Variants in PRTFDC1 observed in about 807,000 individuals in gnomAD.
The protein encoded by PRTFDC1 is phosphoribosyl transferase domain containing 1.
In PRTFDC1, 38 loss-of-function variants were observed where a neutral mutation model predicts 34.6. That is an observed-to-expected ratio of 1.10 (90% CI 0.85 to 1.44). The LOEUF (loss-of-function observed/expected upper bound fraction) is 1.44, where lower values mean the gene tolerates loss of function less well. PRTFDC1 is among the 40% of genes most tolerant of loss of function. PRTFDC1 has a pLI of 0.00. For synonymous variants in PRTFDC1, 93 were observed against 98.1 expected (o/e 0.95, Z 0.31); for missense variants, 270 against 283.0 (o/e 0.95, Z 0.33).
At chr10:24,894,346 AAAG>A (rs1201111688) in intron 3 of PRTFDC1, among the ~76,000 whole-genome samples, 10 of 151,824 alleles carry the variant, frequency 6.6e-5, no homozygotes, top group African/African-American at 2.2e-4. Flanking sequence ...AAAAAAAAAA[AAAG>A]AGAGAGAAAA....
At chr10:24,899,206 A>G (rs59130408) in intron 3 of PRTFDC1, among the ~76,000 whole-genome samples, 17,708 of 152,160 alleles carry the variant, frequency 0.12, 1,271 homozygotes, top group East Asian at 0.29. Flanking sequence ...CCGTTGGGGC[A>G]ACTGAGGAAA....
intron 3 of PRTFDC1, among the ~76,000 whole-genome samples, chr10:24,929,638 A>C (rs1401878255): frequency 6.6e-6 from 1 of 152,222 alleles, no homozygotes; most frequent in Non-Finnish European, 1.5e-5. Flanking sequence ...GGTGGGAAAC[A>C]ATGAGATCAG....
At chr10:24,862,643 C>G (rs1401794607) in intron 4 of PRTFDC1, among the ~76,000 whole-genome samples, 1 of 151,710 alleles carries the variant, frequency 6.6e-6, no homozygotes, top group Admixed American at 6.6e-5. Context: ...CCAAATTTCT[C>G]TTTATTGCAC....
intron 3 of PRTFDC1, among the ~76,000 whole-genome samples, chr10:24,931,874 A>G (rs1848977601): frequency 6.6e-6 from 1 of 151,274 alleles, no homozygotes. Context: ...TAAAAGACCA[A>G]TATAAGCCTG....
In PRTFDC1 at chr10:24,849,713, C is replaced by T; in HGVS notation, c.*131G>A. Reference sequence around the variant, plus strand: ...TTAACCTCAGAAAAGAAAGCTCTCTCATTTGAACATTTTTTTCTTTTATAT... The same window carrying T: ...TTAACCTCAGAAAAGAAAGCTCTCTTATTTGAACATTTTTTTCTTTTATAT... On this transcript the variant is annotated 3_prime_UTR_variant, in exon 9 of 9. Coordinates refer to ENST00000320152, the MANE Select transcript of PRTFDC1 (RefSeq NM_020200.7). 1 of 762,498 alleles carries T rather than the reference C, an allele frequency of 1.3e-6. No homozygotes were observed. The highest frequency in any genetic ancestry group is 2.2e-6 in the Non-Finnish European group (1 of 452,886). 47.2% of individuals were successfully genotyped at this position (762,498 alleles called of 1,614,324 possible).
At chr10:24,924,385 G>A (rs1848839233) in intron 3 of PRTFDC1, among the ~76,000 whole-genome samples, 1 of 152,168 alleles carries the variant, frequency 6.6e-6, no homozygotes, top group Non-Finnish European at 1.5e-5. Context: ...AGGAAAAAAT[G>A]TTAAGGGCAG....
chr10:24,936,804 C>A (rs187810451), intron 3 of PRTFDC1, among the ~76,000 whole-genome samples: 90 of 152,284 alleles, frequency 5.9e-4, no homozygotes, highest in Non-Finnish European at 1.0e-3. Flanking sequence ...GGGCTGGACA[C>A]CCTCCCATAG....
At chr10:24,853,185 G>A (rs1045082532) in intron 7 of PRTFDC1, among the ~76,000 whole-genome samples, 3 of 152,064 alleles carry the variant, frequency 2.0e-5, no homozygotes, top group African/African-American at 7.2e-5. Context: ...CAGAGATTCT[G>A]AGCTAGCTAA....
chr10:24,923,396 G>A (rs1848820352), intron 3 of PRTFDC1, among the ~76,000 whole-genome samples: 1 of 152,198 alleles, frequency 6.6e-6, no homozygotes, highest in South Asian at 2.1e-4. Flanking sequence ...ACTCCCAAAA[G>A]GGGCCGACAG....
chr10:24,859,233 A>G (rs1847634839), intron 4 of PRTFDC1, among the ~76,000 whole-genome samples: 1 of 152,110 alleles, frequency 6.6e-6, no homozygotes, highest in African/African-American at 2.4e-5. Flanking sequence ...GTCTCCAGAC[A>G]TCTGAAGTGC....
At chr10:24,893,744 TC>T (rs149109095) in intron 3 of PRTFDC1, among the ~76,000 whole-genome samples, 3,806 of 152,310 alleles carry the variant, frequency 0.025, 186 homozygotes, top group African/African-American at 0.087. Flanking sequence ...GAAAATGGAA[TC>T]TTAATTAAAT....
At chr10:24,921,791 G>A (rs965026404) in intron 3 of PRTFDC1, among the ~76,000 whole-genome samples, 3 of 150,142 alleles carry the variant, frequency 2.0e-5, no homozygotes, top group African/African-American at 7.3e-5. Context: ...AAATTAATAA[G>A]TAGAAAATTA....
chr10:24,882,661 T>C (rs1330610448), intron 3 of PRTFDC1, among the ~76,000 whole-genome samples: 2 of 152,050 alleles, frequency 1.3e-5, no homozygotes, highest in African/African-American at 4.8e-5. Flanking sequence ...CTCCTTAATA[T>C]ATACTTTTTA....
intron 1 of PRTFDC1, among the ~76,000 whole-genome samples, chr10:24,946,646 C>T (rs1849255177): frequency 6.6e-6 from 1 of 152,160 alleles, no homozygotes; most frequent in Non-Finnish European, 1.5e-5. Flanking sequence ...GTGCCTGCCT[C>T]ATATGGCTAT....
intron 3 of PRTFDC1, among the ~76,000 whole-genome samples, chr10:24,907,384 C>T (rs970658916): frequency 2.0e-5 from 3 of 152,128 alleles, no homozygotes; most frequent in Non-Finnish European, 4.4e-5. Context: ...CACTTGAGGT[C>T]AGGAGTTCGA....
intron 3 of PRTFDC1, among the ~76,000 whole-genome samples, chr10:24,901,835 T>C (rs1329994848): frequency 1.3e-5 from 2 of 152,222 alleles, no homozygotes; most frequent in Non-Finnish European, 2.9e-5. Flanking sequence ...ACTGTTGTGT[T>C]GGCTCACTCT....
At chr10:24,875,928 T>C (rs966338387) in intron 3 of PRTFDC1, among the ~76,000 whole-genome samples, 2 of 148,214 alleles carry the variant, frequency 1.3e-5, no homozygotes, top group Non-Finnish European at 3.0e-5. Context: ...TAATCATAGC[T>C]CATTGCACCC....
At chr10:24,875,860 T>C (rs993386971) in intron 3 of PRTFDC1, among the ~76,000 whole-genome samples, 7 of 148,850 alleles carry the variant, frequency 4.7e-5, no homozygotes, top group Non-Finnish European at 1.0e-4. Context: ...TTTTTTTTTT[T>C]TTTTTTTTTT....
chr10:24,849,006 A>T lies in PRTFDC1; in HGVS notation c.*838T>A, dbSNP rs1381992738. ...TCCTTTCATGCAAATAAGAGGAAAA[A>T]TTTATACTTGCTTAGTTTCGAGCAT... On this transcript the variant is annotated 3_prime_UTR_variant, in exon 9 of 9. Transcript: ENST00000320152. 1 of 152,170 alleles carries T rather than the reference A, an allele frequency of 6.6e-6. No homozygotes were observed. Among genetic ancestry groups the T allele is most frequent in the African/African-American group, 2.4e-5 (1 of 41,440 alleles). 9.4% of individuals were successfully genotyped at this position (152,170 alleles called of 1,614,324 possible).
Sources: gnomAD v4.1 joint callset for allele counts (sites outside exome capture counted in the v4.1 genomes callset) on GRCh38, gnomAD v4.1.1 for gene constraint, MANE v1.5 for transcripts, NCBI Gene and HGNC (gene_info 2026-07-23, HGNC 2026-07-21) for gene names.